The following LAMB1 variants were observed in gnomAD, a reference collection of about 807,000 sequenced individuals.
LAMB1 encodes laminin subunit beta 1, also known as laminin subunit beta-1.
Under a neutral mutation model 222.3 loss-of-function variants are expected in LAMB1, and 121 were observed. The ratio of observed to expected loss-of-function variants is 0.54; its 90% CI spans 0.47 to 0.63. The LOEUF is 0.63. LAMB1 is among the 30% of genes least tolerant of loss of function. The pLI, the probability that LAMB1 is intolerant of heterozygous loss-of-function variation, is 0.00. For synonymous variants in LAMB1, 794 were observed against 807.2 expected (o/e 0.98, Z 0.28); for missense variants, 2,172 against 2,240.8 (o/e 0.97, Z 0.62).
rs768155781 is a variant in LAMB1 at position 107,955,434 on chromosome 7, C to T, written c.2854+33G>A. 6 of 1,577,156 alleles carry T rather than the reference C, an allele frequency of 3.8e-6. No homozygotes were observed. The African/African-American group carries it at 4.1e-5, about 11-fold the overall frequency. The stretch of plus-strand genomic sequence containing the variant: ...AACTCATAAAGACATCTTTTTCTCT[C>T]TCTTTGCCTCCCAAAGTATGCACAC... On this transcript the variant is annotated intron_variant, in intron 21 of 33. Transcript: ENST00000222399.
At position 107,961,299 on chromosome 7, in the gene LAMB1, A is replaced by G. The variant is rs760660804; in HGVS notation, c.2016T>C (p.Phe672=). 6.2e-7 allele frequency: 1 copy of G among 1,614,134 alleles called. No individual in the cohort carries two copies. Among genetic ancestry groups the G allele is most frequent in the Admixed American group, 1.7e-5 (1 of 60,018 alleles). ...TCACCGTGTAGTTTGTTCCCTTCTC[A>G]AAGCACACCGGCCGAGGAAGGACGA... The part of the protein sequence containing the change: ...RYVVLPRPVC[F]EKGTNYTVRL... The change falls in exon 17 of 34, where the codon TTT becomes TTC. Residue 672 remains phenylalanine (F), a synonymous_variant. Transcript: ENST00000222399.
At chr7:107,930,766 C>G (rs910094491) in intron 29 of LAMB1, among the ~76,000 whole-genome samples, 1 of 152,204 alleles carries the variant, frequency 6.6e-6, no homozygotes, top group Non-Finnish European at 1.5e-5. Context: ...GAGGACAAAG[C>G]TGATATGCTT....
Position 107,961,617 on chromosome 7 carries a change from G to C in LAMB1, c.1917C>G (p.Thr639=). Residue 639 remains threonine (T), a synonymous_variant, in exon 16 of 34, where the codon ACC becomes ACG. Transcript: ENST00000222399. ...GGATGGTATTACCACATCGGCTGCT[G>C]GTTGGAATCCTTCCAGGTCGCTGCA... ...ITVQRPGRIP[T]SSRCGNTIPD... 2 of 1,614,084 alleles carry C rather than the reference G, an allele frequency of 1.2e-6. No homozygotes were observed. The highest frequency in any genetic ancestry group is 1.7e-6 in the Non-Finnish European group (2 of 1,179,962).
rs773414754 is a variant in LAMB1 at position 107,959,232 on chromosome 7, T to C, written c.2690+17A>G. ...CCAGAGATCACTACATTCTCCTTACTTTCAGCATCTGCATACCTTTCACAG... is the reference window on the plus strand; with the variant it reads ...CCAGAGATCACTACATTCTCCTTACCTTCAGCATCTGCATACCTTTCACAG... On this transcript the variant is annotated intron_variant, in intron 20 of 33. Transcript: ENST00000222399. 6.9e-6 allele frequency: 11 copies of C among 1,591,070 alleles called. No individual in the cohort carries two copies. The highest frequency in any genetic ancestry group is 9.5e-6 in the Non-Finnish European group (11 of 1,160,448).
At chr7:107,926,096 G>T in intron 32 of LAMB1, 87 bp downstream of exon 32, 1 of 974,342 alleles carries the variant, frequency 1.0e-6, no homozygotes, top group South Asian at 1.5e-5. Context: ...TTTCTGTTAG[G>T]TCCATGTCCC....
Position 107,992,064 on chromosome 7 carries a change from C to T in LAMB1, c.423+2823G>A, listed in dbSNP as rs73195573. Among the ~76,000 whole-genome samples the T allele has an allele frequency of 8.8e-3, 1,333 of 152,236 alleles. 15 individuals are homozygous for T. Among genetic ancestry groups the T allele is most frequent in the Non-Finnish European group, 0.011 (735 of 68,020 alleles). On this transcript the variant is annotated intron_variant, in intron 5 of 33. Transcript: ENST00000222399. ...TTTCCTTCTCTCACTACCCCAAACT[C>T]GAGGCAAATCTACATAGCACTTGCT...
Position 107,932,152 on chromosome 7 carries a change from CTG to C in LAMB1, c.4392+20_4392+21del. ...TGAAAGCAAACATACATAACAAAAA[CTG>C]AGGCCATCCACTGAGTTACCATCTT... On this transcript the variant is annotated intron_variant, in intron 28 of 33. Coordinates refer to ENST00000222399, the MANE Select transcript of LAMB1 (RefSeq NM_002291.3). 4 of 1,611,194 alleles carry C rather than the reference CTG, an allele frequency of 2.5e-6. No individual in the cohort carries two copies. Among genetic ancestry groups the C allele is most frequent in the Middle Eastern group, 1.7e-4 (1 of 6,056 alleles).
chr7:107,929,329 G>A, intron 30 of LAMB1, 83 bp downstream of exon 30: 1 of 1,503,462 alleles, frequency 6.7e-7, no homozygotes. Flanking sequence ...GTCCTTCTTA[G>A]AAGTTTCATT....
intron 12 of LAMB1, among the ~76,000 whole-genome samples, chr7:107,974,594 T>C (rs2150438130): frequency 6.6e-6 from 1 of 152,292 alleles, no homozygotes; most frequent in South Asian, 2.1e-4. Context: ...GGTTACTGGG[T>C]CAAAGGGTAT....
chr7:108,002,163 G>A (rs899311775), intron 2 of LAMB1: 1 of 1,431,580 alleles, frequency 7.0e-7, no homozygotes, highest in South Asian at 1.2e-5. Flanking sequence ...GGCAGCCCGC[G>A]CATCCTCGGT....
At chr7:107,975,499 TAA>T in intron 10 of LAMB1, 86 bp from the exon 11 acceptor site, 1 of 1,372,982 alleles carries the variant, frequency 7.3e-7, no homozygotes, top group East Asian at 2.5e-5. Context: ...TTCCTCCCTC[TAA>T]ATCTCACAAA....
chr7:107,999,282 G>T (rs2034338359), intron 3 of LAMB1, among the ~76,000 whole-genome samples: 1 of 152,208 alleles, frequency 6.6e-6, no homozygotes, highest in African/African-American at 2.4e-5. Flanking sequence ...TCTACTTCCT[G>T]TGCATTCCAT....
Position 107,953,603 on chromosome 7 carries a change from G to A in LAMB1, c.3006C>T (p.Tyr1002=), listed in dbSNP as rs1562986533. 1.9e-6 allele frequency: 3 copies of A among 1,614,054 alleles called. No individual in the cohort carries two copies. Among genetic ancestry groups the A allele is most frequent in the Non-Finnish European group, 2.5e-6 (3 of 1,180,034 alleles). ...ACTGACAGTGTTCCCCTTCCGTGTGGTACAGGCACTTGAGACACCTCCCAG... is the reference window on the plus strand; with the variant it reads ...ACTGACAGTGTTCCCCTTCCGTGTGATACAGGCACTTGAGACACCTCCCAG... ...KETGRCLKCL[Y]HTEGEHCQFC... Residue 1002 remains tyrosine (Y), a synonymous_variant, in exon 22 of 34, where the codon TAC becomes TAT. Transcript: ENST00000222399.
chr7:108,002,795 T>C (rs1442758748), intron 2 of LAMB1, 54 bp downstream of exon 2: 5 of 1,612,296 alleles, frequency 3.1e-6, no homozygotes, highest in Non-Finnish European at 4.2e-6. Flanking sequence ...TTTTGGGTTT[T>C]CCTTCCCCAT....
At position 108,003,104 on chromosome 7, in the gene LAMB1, T is replaced by A; in HGVS notation, c.-87+7A>T. ...GGAAAATCGTGCAGCCACTTTGTTC[T>A]CCTCACCCGGCGACGCGAGCTCTCG... On this transcript the variant is annotated splice_region_variant and intron_variant, in intron 1 of 33. Coordinates refer to ENST00000222399, the MANE Select transcript of LAMB1 (RefSeq NM_002291.3). 1 of 1,019,224 alleles carries A rather than the reference T, an allele frequency of 9.8e-7. No homozygotes were observed. The highest frequency in any genetic ancestry group is 1.4e-6 in the Non-Finnish European group (1 of 734,658). 63.1% of individuals were successfully genotyped at this position (1,019,224 alleles called of 1,614,324 possible).
At chr7:107,951,884 G>A (rs2033259017) in intron 23 of LAMB1, 125 bp downstream of exon 23, 2 of 771,868 alleles carry the variant, frequency 2.6e-6, no homozygotes, top group Non-Finnish European at 2.1e-6. Context: ...ACAAATGAGG[G>A]CTAAGATCCA....
rs867245220 is a variant in LAMB1 at position 107,986,322 on chromosome 7, G to A, written c.465C>T (p.Asp155=). Residue 155 remains aspartate (D), a synonymous_variant, in exon 6 of 34, where the codon GAC becomes GAT. Transcript: ENST00000222399. ...TATACACACCCCAGGTTTTCCCAAA[G>A]TCGGACGATCGTTCTATCAGCATAG... ...PAAMLIERSS[D]FGKTWGVYRY... 1.2e-6 allele frequency: 2 copies of A among 1,609,670 alleles called. No homozygotes were observed. Among genetic ancestry groups the A allele is most frequent in the Middle Eastern group, 1.7e-4 (1 of 6,050 alleles).
At position 107,964,085 on chromosome 7, in the gene LAMB1, G is replaced by A. The variant is rs186675320; in HGVS notation, c.1698+467C>T. Among the ~76,000 whole-genome samples, 388 of 152,190 alleles carry A rather than the reference G, an allele frequency of 2.5e-3. 2 individuals carry two copies. The highest frequency in any genetic ancestry group is 8.7e-3 in the African/African-American group (363 of 41,518). The stretch of plus-strand genomic sequence containing the variant: ...GCACTCCAGCCTGGGCAATAAGAGC[G>A]AAACTCAGTCTCGAAAAAAAGAAAA... On this transcript the variant is annotated intron_variant, in intron 14 of 33. Coordinates refer to ENST00000222399, the MANE Select transcript of LAMB1 (RefSeq NM_002291.3).
intron 2 of LAMB1, 36 bp from the exon 3 acceptor site, chr7:108,001,769 C>A: frequency 1.2e-6 from 2 of 1,605,664 alleles, no homozygotes; most frequent in Non-Finnish European, 1.7e-6. Context: ...TGGGGGGACA[C>A]AAGCAGGGAG....
Sources: allele counts gnomAD v4.1 joint callset (sites outside exome capture counted in the v4.1 genomes callset), GRCh38; gene constraint gnomAD v4.1.1; transcripts MANE v1.5; gene names NCBI Gene and HGNC (gene_info 2026-07-23, HGNC 2026-07-21).